PCDHGA8: variants seen among roughly 807,000 people sequenced by gnomAD.
The protein encoded by PCDHGA8 is protocadherin gamma subfamily A, 8.
A neutral mutation model predicts 59.2 loss-of-function variants in PCDHGA8; 45 were observed. The ratio of observed to expected loss-of-function variants is 0.76; its 90% confidence interval spans 0.60 to 0.98. The LOEUF (loss-of-function observed/expected upper bound fraction) is 0.98. Ranked by LOEUF, PCDHGA8 falls within the 50% of genes least tolerant of loss-of-function variation. PCDHGA8 has a pLI of 0.00. For synonymous variants in PCDHGA8, 531 were observed against 519.0 expected, an observed-to-expected ratio of 1.02 and a Z score of -0.32; for missense variants, 1,257 against 1,196.2, an observed-to-expected ratio of 1.05 and a Z score of -0.75.
intron 1 of PCDHGA8, among the ~76,000 whole-genome samples, chr5:141,456,857 G>A (rs957526443): frequency 6.6e-5 from 10 of 152,234 alleles, no homozygotes; most frequent in African/African-American, 2.4e-4. Context: ...CAGCTAATTG[G>A]GAGGCTGAGG....
chr5:141,486,832 A>G lies in PCDHGA8; in HGVS notation c.2425-7975A>G. 2.5e-6 allele frequency: 4 copies of G among 1,614,182 alleles called. No individual in the cohort carries two copies. Among genetic ancestry groups the G allele is most frequent in the South Asian group, 1.1e-5 (1 of 91,082 alleles). ...TTAGCAGCACTGTAACAGTTCGTCT[A>G]TTTGTGCTGGACCTCAATGACAATG... On this transcript the variant is annotated intron_variant, in intron 1 of 3. Transcript: ENST00000398604. The surrounding 1 kb of genome is among the most constrained non-coding windows in gnomAD (Gnocchi z 5.0).
intron 1 of PCDHGA8, chr5:141,421,033 C>T (rs915028623): frequency 2.4e-5 from 13 of 533,788 alleles, no homozygotes; most frequent in Non-Finnish European, 6.5e-6. Context: ...CCATTGAGTC[C>T]CTCCCTCCCC....
At chr5:141,507,807 A>AACGG (rs1465406594) in intron 3 of PCDHGA8, among the ~76,000 whole-genome samples, 2 of 152,152 alleles carry the variant, frequency 1.3e-5, no homozygotes, top group East Asian at 3.9e-4. Flanking sequence ...CGCCCTGGGG[A>AACGG]ACGGACCCTG....
chr5:141,414,212 A>G (rs778319178), intron 1 of PCDHGA8: 1 of 1,612,944 alleles, frequency 6.2e-7, no homozygotes, highest in Admixed American at 1.7e-5. Flanking sequence ...GATGTAAATG[A>G]CAACAGTCCA....
rs759437302 is a variant in PCDHGA8, at chr5:141,476,861, T to C, written c.2425-17946T>C. On this transcript the variant is annotated intron_variant, in intron 1 of 3. Transcript: ENST00000398604. The surrounding 1 kb of genome is among the most constrained non-coding windows in gnomAD (Gnocchi z 7.6). Reference sequence around the variant, plus strand: ...TGCGCCTGTCTTCAACCAGTCCTTGTACCGGGCGCGCGTCCTGGAGGATGC... The same window carrying C: ...TGCGCCTGTCTTCAACCAGTCCTTGCACCGGGCGCGCGTCCTGGAGGATGC... 6.2e-7 allele frequency: 1 copy of C among 1,613,864 alleles called. No individual in the cohort carries two copies. The highest frequency in any genetic ancestry group is 1.7e-5 in the Admixed American group (1 of 60,034).
At chr5:141,449,538 G>A (rs1445815017) in intron 1 of PCDHGA8, among the ~76,000 whole-genome samples, 15 of 145,960 alleles carry the variant, frequency 1.0e-4, no homozygotes, top group East Asian at 4.0e-4. Flanking sequence ...GCAGTGAGCC[G>A]AGATCGCACC....
intron 1 of PCDHGA8, among the ~76,000 whole-genome samples, chr5:141,473,661 G>T (rs935648567): frequency 2.6e-5 from 4 of 152,172 alleles, no homozygotes; most frequent in Non-Finnish European, 4.4e-5. Context: ...TTGTGTGAAG[G>T]CCCTGAGACA....
rs760095389 is a variant in PCDHGA8, at chr5:141,486,731, A to G, written c.2425-8076A>G. On this transcript the variant is annotated intron_variant, in intron 1 of 3. Transcript: ENST00000398604. The surrounding 1 kb of genome is among the most constrained non-coding windows in gnomAD (Gnocchi z 5.0). ...CCCCCAGACAGGAGCTGTTCATGCT[A>G]CTCGATCCTTTGACTATGAGCAAAC... The G allele has an allele frequency of 6.2e-7, 1 of 1,614,060 alleles. No individual in the cohort carries two copies. Among genetic ancestry groups the G allele is most frequent in the Non-Finnish European group, 8.5e-7 (1 of 1,180,012 alleles).
intron 1 of PCDHGA8, among the ~76,000 whole-genome samples, chr5:141,465,785 T>G (rs564238782): frequency 6.6e-6 from 1 of 152,262 alleles, no homozygotes; most frequent in South Asian, 2.1e-4. Flanking sequence ...TACAGTTTTT[T>G]TTTTTTTAAG....
At chr5:141,419,762 AAGGACTCG>A (rs1468964539) in intron 1 of PCDHGA8, 2 of 1,614,008 alleles carry the variant, frequency 1.2e-6, no homozygotes, top group South Asian at 2.2e-5. Context: ...TTTGGGTGAC[AAGGACTCG>A]GTCCGCCAGC....
At position 141,394,582 on chromosome 5, in the gene PCDHGA8, A is replaced by C. The variant is rs1459158771; in HGVS notation, c.1769A>C (p.Lys590Thr). The C allele has an allele frequency of 2.5e-6, 4 of 1,613,598 alleles. No individual in the cohort carries two copies. In the African/African-American group the frequency reaches 4.0e-5, roughly 16 times the overall value. The part of the protein sequence containing the change: ...RSAERGYLVT[K>T]VVAVDRDSGQ... ...GCAGAGCGTGGCTACCTGGTGACCA[A>C]GGTGGTGGCGGTGGACAGAGACTCG... Residue 590 changes from lysine (K) to threonine (T), a missense_variant, in exon 1 of 4, where the codon AAG becomes ACG. By Grantham distance (78) the Lys-to-Thr change is moderately conservative. Coordinates refer to ENST00000398604, the MANE Select transcript of PCDHGA8 (RefSeq NM_032088.2).
chr5:141,473,147 T>A (rs2099315103), intron 1 of PCDHGA8, among the ~76,000 whole-genome samples: 1 of 152,222 alleles, frequency 6.6e-6, no homozygotes, highest in Admixed American at 6.5e-5. Flanking sequence ...TCTCTTCAGA[T>A]CACTAGGGCT....
In PCDHGA8 at chr5:141,410,139, T is replaced by C. The variant is rs73279096; in HGVS notation, c.2424+14902T>C. ...GCCCGCCAGCGCCTGCTGGTCGCTG[T>C]GCGTGACGGTGGACAGCCGCCACTC... On this transcript the variant is annotated intron_variant, in intron 1 of 3. Coordinates refer to ENST00000398604, the MANE Select transcript of PCDHGA8 (RefSeq NM_032088.2). The C allele has an allele frequency of 1.6e-4, 252 of 1,612,722 alleles. No individual in the cohort carries two copies. In the African/African-American group the frequency reaches 3.0e-3, roughly 19 times the overall value.
chr5:141,444,965 A>C (rs561160996), intron 1 of PCDHGA8, among the ~76,000 whole-genome samples: 18 of 152,234 alleles, frequency 1.2e-4, no homozygotes, highest in South Asian at 6.2e-4. Context: ...CAATATTGAC[A>C]CTTCAAATCC....
Position 141,486,683 on chromosome 5 carries a change from G to C in PCDHGA8, c.2425-8124G>C, listed in dbSNP as rs1207359772. 6.2e-7 allele frequency: 1 copy of C among 1,613,974 alleles called. No individual in the cohort carries two copies. ...GGAGCCCAGGAATCGAGATGTATCA[G>C]CTTCCTCTTTCATCTCTCTGAACCC... On this transcript the variant is annotated intron_variant, in intron 1 of 3. Coordinates refer to ENST00000398604, the MANE Select transcript of PCDHGA8 (RefSeq NM_032088.2). This position sits in a 1 kb window ranked among gnomAD's most constrained non-coding sequence, Gnocchi z 5.0.
At position 141,511,426 on chromosome 5, in the gene PCDHGA8, G is replaced by C. The variant is rs2099883789; in HGVS notation, c.*253G>C. 2.5e-6 allele frequency: 2 copies of C among 798,652 alleles called. No homozygotes were observed. The highest frequency in any genetic ancestry group is 3.8e-6 in the Non-Finnish European group (2 of 529,972). 49.5% of individuals were successfully genotyped at this position (798,652 alleles called of 1,614,324 possible). ...CAACTGCTGTACCCATGGGGGTAGTGGGGTTACTGTAGACACCAAGAACCA... is the reference window on the plus strand; with the variant it reads ...CAACTGCTGTACCCATGGGGGTAGTCGGGTTACTGTAGACACCAAGAACCA... On this transcript the variant is annotated 3_prime_UTR_variant, in exon 4 of 4. Transcript: ENST00000398604.
At chr5:141,404,161 ATTG>A in intron 1 of PCDHGA8, 1 of 1,613,152 alleles carries the variant, frequency 6.2e-7, no homozygotes, top group South Asian at 1.1e-5. Context: ...ATTATTACAG[ATTG>A]TTGACGGCCC....
intron 1 of PCDHGA8, among the ~76,000 whole-genome samples, chr5:141,452,674 G>A (rs2098746885): frequency 6.6e-6 from 1 of 151,936 alleles, no homozygotes; most frequent in Non-Finnish European, 1.5e-5. Context: ...TCCAGCCTAG[G>A]CCACAGAATG....
At chr5:141,419,433 T>A (rs1333004780) in intron 1 of PCDHGA8, 6 of 1,613,246 alleles carry the variant, frequency 3.7e-6, no homozygotes, top group Non-Finnish European at 5.1e-6. Flanking sequence ...CACGAGCAGC[T>A]GCGCACCTTC....
Sources: gnomAD v4.1 joint callset for allele counts (sites outside exome capture counted in the v4.1 genomes callset) on GRCh38, gnomAD v4.1.1 for gene constraint, Gnocchi (gnomAD v3.1) non-coding constraint, MANE v1.5 for transcripts, NCBI Gene and HGNC (gene_info 2026-07-23, HGNC 2026-07-21) for gene names.